Variants in KDM4A observed in about 807,000 individuals in gnomAD.
KDM4A encodes the protein lysine demethylase 4A, also known as lysine-specific demethylase 4A.
Under a neutral mutation model 127.1 loss-of-function variants are expected in KDM4A, and 23 were observed. The observed-to-expected ratio is 0.18, with a 90% CI of 0.13 to 0.26. KDM4A has a LOEUF of 0.26. Among genes scored for constraint, KDM4A ranks in the 10% least tolerant of loss-of-function variants. The pLI, the probability that KDM4A is intolerant of heterozygous loss-of-function variation, is 1.00. For missense variants in KDM4A, 890 were observed against 1,329.1 expected, an observed-to-expected ratio of 0.67 and a Z score of 5.14; for synonymous variants, 443 against 466.5, an observed-to-expected ratio of 0.95 and a Z score of 0.65.
chr1:43,654,644 C>G (rs1330908424), intron 2 of KDM4A, among the ~76,000 whole-genome samples: 1 of 151,356 alleles, frequency 6.6e-6, no homozygotes. Context: ...TAGAGTCTTG[C>G]TCCCTTTCCG....
intron 11 of KDM4A, among the ~76,000 whole-genome samples, chr1:43,680,686 T>C (rs1241794555): frequency 6.6e-6 from 1 of 152,238 alleles, no homozygotes; most frequent in Non-Finnish European, 1.5e-5. Context: ...CCTGGACCTC[T>C]AGGTCCATTG....
At position 43,669,194 on chromosome 1, in the gene KDM4A, C is replaced by A; in HGVS notation, c.1258C>A (p.Leu420Met). 1.2e-6 allele frequency: 2 copies of A among 1,614,228 alleles called. No individual in the cohort carries two copies. Among genetic ancestry groups the A allele is most frequent in the Non-Finnish European group, 1.7e-6 (2 of 1,180,044 alleles). The change falls in exon 10 of 22, where the codon CTG becomes ATG. Residue 420 changes from leucine (L) to methionine (M), a missense_variant. Around this residue, in one of 7 missense-constraint regions of KDM4A, gnomAD observed 389 missense variants for 485.9 expected, o/e 0.80. Transcript: ENST00000372396. ...GAGTGAGCTCTTCCCCAAGGAGGATCTGAGTTCTGAGCAGTATGAGATGAC... is the reference window on the plus strand; with the variant it reads ...GAGTGAGCTCTTCCCCAAGGAGGATATGAGTTCTGAGCAGTATGAGATGAC... ...SQSELFPKED[L>M]SSEQYEMTEC...
intron 19 of KDM4A, among the ~76,000 whole-genome samples, chr1:43,700,285 C>T (rs1024843709): frequency 1.3e-5 from 2 of 151,686 alleles, no homozygotes; most frequent in South Asian, 4.2e-4. Context: ...TTGTCACTGG[C>T]GCCCAGCTAA....
At position 43,667,065 on chromosome 1, in the gene KDM4A, A is replaced by C. The variant is rs755962157; in HGVS notation, c.889A>C (p.Ile297Leu). Reference protein sequence around the residue: ...ESTNFATRRWIEYGKQAVLCS... With the variant: ...ESTNFATRRWLEYGKQAVLCS... ...TACCAATTTTGCTACCCGTCGGTGG[A>C]TTGAGTACGGCAAGCAAGCTGTGCT... is the stretch of plus-strand genomic sequence containing the variant. The change falls in exon 8 of 22, where the codon ATT becomes CTT. Residue 297 changes from isoleucine (I) to leucine (L), a missense_variant. Ile to Leu is a conservative substitution (Grantham distance 5). Transcript: ENST00000372396. The C allele has an allele frequency of 4.3e-6, 7 of 1,614,044 alleles. No individual in the cohort carries two copies. In the South Asian group the frequency reaches 7.7e-5, roughly 18 times the overall value.
rs1350350346 is a variant in KDM4A, at chr1:43,671,730, C to T, written c.1589C>T (p.Pro530Leu). The T allele has an allele frequency of 6.2e-7, 1 of 1,613,908 alleles. No individual in the cohort carries two copies. The highest frequency in any genetic ancestry group is 8.5e-7 in the Non-Finnish European group (1 of 1,179,888). ...SISSDSETSE[P>L]LSCRAQGQTG... ...TCTTCTGATTCAGAAACTAGTGAGCCTCTCTCCTGCCGAGCCCAAGGGCAA... is the reference window on the plus strand; with the variant it reads ...TCTTCTGATTCAGAAACTAGTGAGCTTCTCTCCTGCCGAGCCCAAGGGCAA... The change falls in exon 11 of 22, where the codon CCT becomes CTT. Residue 530 changes from proline (P) to leucine (L), a missense_variant. This residue lies in a region of KDM4A where 389 missense variants were observed against 485.9 expected (regional missense o/e 0.80). Transcript: ENST00000372396.
rs147727256 is a variant in KDM4A at position 43,680,164 on chromosome 1, T to C, written c.1735-3520T>C. On this transcript the variant is annotated intron_variant, in intron 11 of 21. Transcript: ENST00000372396. Reference sequence around the variant, plus strand: ...GGAGATGAGGAAATGTGAAAAGATATTCAAATCTTTGAATGGACCTGACTA... The same window carrying C: ...GGAGATGAGGAAATGTGAAAAGATACTCAAATCTTTGAATGGACCTGACTA... Among the ~76,000 whole-genome samples the C allele has an allele frequency of 8.8e-3, 1,341 of 152,278 alleles. 18 individuals are homozygous for C. The highest frequency in any genetic ancestry group is 0.03 in the African/African-American group (1,265 of 41,546).
chr1:43,702,815 GAGGT>G (rs902471399), intron 19 of KDM4A: 1 of 152,168 alleles, frequency 6.6e-6, no homozygotes, highest in Non-Finnish European at 1.5e-5. Context: ...CAGATCACCT[GAGGT>G]AAGGAGTTCG....
At position 43,689,101 on chromosome 1, in the gene KDM4A, C is replaced by T. The variant is rs1160195859; in HGVS notation, c.2037+6C>T. On this transcript the variant is annotated splice_donor_region_variant and intron_variant, in intron 13 of 21. Transcript: ENST00000372396. ...TCTTCCAGACTTATCATCAGGTAAC[C>T]CAGCTCCATGCACTCTGTTTACCCA... 3 of 1,613,568 alleles carry T rather than the reference C, an allele frequency of 1.9e-6. No individual in the cohort carries two copies. The African/African-American group carries it at 4.0e-5, about 22-fold the overall frequency.
At chr1:43,668,536 A>G (rs1020581334) in intron 9 of KDM4A, among the ~76,000 whole-genome samples, 2 of 152,290 alleles carry the variant, frequency 1.3e-5, no homozygotes, top group East Asian at 1.9e-4. Context: ...AGAGACCTGT[A>G]GTGGGCGTGT....
At chr1:43,669,560 T>C (rs3818536) in intron 10 of KDM4A, among the ~76,000 whole-genome samples, 40,697 of 151,542 alleles carry the variant, frequency 0.27, 6,200 homozygotes, top group East Asian at 0.49. Context: ...ACAAGGTAAG[T>C]AGGACCTTCC....
chr1:43,678,504 G>A (rs1237423537), intron 11 of KDM4A, among the ~76,000 whole-genome samples: 1 of 151,864 alleles, frequency 6.6e-6, no homozygotes, highest in African/African-American at 2.4e-5. Flanking sequence ...AGTGGGGGAA[G>A]TTGAAGAGGT....
rs984585913 is a variant in KDM4A at position 43,688,651 on chromosome 1, G to A, written c.1856-263G>A. Among the ~76,000 whole-genome samples, 10 of 152,174 alleles carry A rather than the reference G, an allele frequency of 6.6e-5. No homozygotes were observed. The highest frequency in any genetic ancestry group is 5.2e-4 in the Admixed American group (8 of 15,278). On this transcript the variant is annotated intron_variant, in intron 12 of 21. Coordinates refer to ENST00000372396, the MANE Select transcript of KDM4A (RefSeq NM_014663.3). This position sits in a 1 kb window ranked among gnomAD's most constrained non-coding sequence, Gnocchi z 4.4. ...AGGGAGAGTAGAGCAAGCTGAGCTC[G>A]TGGGGCAGGAGGAAGAATGGAGGCC... is the stretch of plus-strand genomic sequence containing the variant.
At chr1:43,684,837 C>T (rs915095278) in intron 12 of KDM4A, among the ~76,000 whole-genome samples, 33 of 152,098 alleles carry the variant, frequency 2.2e-4, no homozygotes, top group African/African-American at 7.5e-4. Context: ...CATAGGCTTC[C>T]GTAATGGTCT....
At chr1:43,663,654 C>T (rs1660436100) in intron 5 of KDM4A, among the ~76,000 whole-genome samples, 1 of 151,470 alleles carries the variant, frequency 6.6e-6, no homozygotes, top group African/African-American at 2.4e-5. Context: ...GACAGGGTCT[C>T]ACTCTGTCAC....
In KDM4A at chr1:43,671,823, C is replaced by A; in HGVS notation, c.1682C>A (p.Thr561Lys). The A allele has an allele frequency of 6.3e-7, 1 of 1,593,036 alleles. No homozygotes were observed. The highest frequency in any genetic ancestry group is 8.5e-7 in the Non-Finnish European group (1 of 1,170,018). Reference sequence around the variant, plus strand: ...AGGGTCACTGTGGGAGAGCCATGCACGAGGAAGAAAGGAAGCGCCGCTAGA... The same window carrying A: ...AGGGTCACTGTGGGAGAGCCATGCAAGAGGAAGAAAGGAAGCGCCGCTAGA... The part of the protein sequence containing the change: ...DGRVTVGEPC[T>K]RKKGSAARSF... The change falls in exon 11 of 22, where the codon ACG becomes AAG. Residue 561 changes from threonine to lysine, a missense_variant. Physicochemically the swap from Thr to Lys is moderately conservative, Grantham distance 78. Around this residue, in one of 7 missense-constraint regions of KDM4A, gnomAD observed 389 missense variants for 485.9 expected, o/e 0.80. Transcript: ENST00000372396.
chr1:43,685,645 G>T (rs1660956735), intron 12 of KDM4A, among the ~76,000 whole-genome samples: 2 of 152,078 alleles, frequency 1.3e-5, no homozygotes, highest in Admixed American at 1.3e-4. Context: ...GTGAGCGCCT[G>T]TAGTCCCAGC....
intron 19 of KDM4A, chr1:43,702,395 T>C (rs541015472): frequency 6.6e-6 from 1 of 152,356 alleles, no homozygotes; most frequent in East Asian, 1.9e-4. Context: ...TGATTACCTA[T>C]TCAGTAAATG....
At chr1:43,697,314 G>T (rs1258418534) in intron 18 of KDM4A, among the ~76,000 whole-genome samples, 1 of 152,234 alleles carries the variant, frequency 6.6e-6, no homozygotes, top group Non-Finnish European at 1.5e-5. Flanking sequence ...GAAGGGCATG[G>T]TTGAGGGCAC....
chr1:43,666,589 A>T, intron 7 of KDM4A, 34 bp downstream of exon 7: 2 of 1,544,560 alleles, frequency 1.3e-6, no homozygotes, highest in East Asian at 2.2e-5. Flanking sequence ...GTTCTCAGGC[A>T]CCACCCTTTC....
Sources: gnomAD v4.1 joint callset for allele counts (sites outside exome capture counted in the v4.1 genomes callset) on GRCh38, gnomAD v4.1.1 for gene constraint, gnomAD v4.1.1 regional missense constraint, Gnocchi (gnomAD v3.1) non-coding constraint, MANE v1.5 for transcripts, NCBI Gene and HGNC (gene_info 2026-07-23, HGNC 2026-07-21) for gene names.